The following TET1 variants were observed in gnomAD, a reference collection of about 807,000 sequenced individuals.
TET1 encodes methylcytosine dioxygenase TET1.
Under a neutral mutation model 148.7 loss-of-function variants are expected in TET1, and 13 were observed. The ratio of observed to expected loss-of-function variants is 0.09; its 90% CI spans 0.06 to 0.14. The LOEUF is 0.14. Ranked by LOEUF, TET1 falls within the 10% of genes least tolerant of loss-of-function variation. The pLI is 1.00. For missense variants in TET1, 2,182 were observed against 2,553.8 expected (o/e 0.85, Z 3.14); for synonymous variants, 907 against 937.2 (o/e 0.97, Z 0.59).
At chr10:68,641,421 C>T (rs2054752041) in intron 3 of TET1, among the ~76,000 whole-genome samples, 1 of 152,076 alleles carries the variant, frequency 6.6e-6, no homozygotes, top group African/African-American at 2.4e-5. Context: ...GGCCAGTTCA[C>T]ATCTCCTTAG....
At chr10:68,596,515 C>T (rs946664832) in intron 2 of TET1, among the ~76,000 whole-genome samples, 2 of 151,974 alleles carry the variant, frequency 1.3e-5, no homozygotes, top group African/African-American at 2.4e-5. Context: ...CCTTGAAATC[C>T]TGGGCTTAAG....
At position 68,691,136 on chromosome 10, in the gene TET1, C is replaced by A. The variant is rs1401748142; in HGVS notation, c.5733C>A (p.Pro1911=). The A allele has an allele frequency of 1.9e-6, 3 of 1,614,220 alleles. No individual in the cohort carries two copies. Among genetic ancestry groups the A allele is most frequent in the Non-Finnish European group, 2.5e-6 (3 of 1,180,058 alleles). ...ISQLGEVAPL[P]TLSAPVMEPL... The stretch of plus-strand genomic sequence containing the variant: ...AGCTTGGCGAAGTGGCTCCTCTCCC[C>A]ACCCTGTCTGCTCCTGTGATGGAGC... The change falls in exon 12 of 12, where the codon CCC becomes CCA. Residue 1911 remains proline (P), a synonymous_variant. Coordinates refer to ENST00000373644, the MANE Select transcript of TET1 (RefSeq NM_030625.3). This position sits in a 1 kb window ranked among gnomAD's most constrained non-coding sequence, Gnocchi z 4.4.
At chr10:68,578,103 A>G (rs1314845124) in intron 2 of TET1, among the ~76,000 whole-genome samples, 2 of 152,136 alleles carry the variant, frequency 1.3e-5, no homozygotes, top group East Asian at 3.8e-4. Flanking sequence ...GTTGTAAAAA[A>G]TCTTACTGAG....
chr10:68,598,061 A>C (rs891228239), intron 2 of TET1, among the ~76,000 whole-genome samples: 10 of 152,180 alleles, frequency 6.6e-5, no homozygotes, highest in African/African-American at 2.2e-4. Flanking sequence ...GCAGTTGTGA[A>C]TGTACTTAAT....
chr10:68,569,020 C>A (rs562377163), intron 1 of TET1, among the ~76,000 whole-genome samples: 1 of 152,046 alleles, frequency 6.6e-6, no homozygotes, highest in East Asian at 1.9e-4. Context: ...TGTATTGGAC[C>A]TGTGAGTCTT....
intron 1 of TET1, among the ~76,000 whole-genome samples, chr10:68,568,544 G>T (rs2795907): frequency 0.05 from 7,637 of 152,256 alleles, 222 homozygotes; most frequent in South Asian, 0.081. Context: ...CCAGGCCGAT[G>T]CTGTGATCTT....
Position 68,691,805 on chromosome 10 carries a change from T to C in TET1, c.6402T>C (p.His2134=). The C allele has an allele frequency of 1.9e-6, 3 of 1,610,876 alleles. No homozygotes were observed. Among genetic ancestry groups the C allele is most frequent in the Non-Finnish European group, 2.5e-6 (3 of 1,178,404 alleles). Residue 2134 remains histidine, a synonymous_variant, in exon 12 of 12, where the codon CAT becomes CAC. Coordinates refer to ENST00000373644, the MANE Select transcript of TET1 (RefSeq NM_030625.3). The surrounding 1 kb of genome is among the most constrained non-coding windows in gnomAD (Gnocchi z 4.4). ...CACACGTTGCGGGGCCCTATAACCA[T>C]TGGGTCTGAAGGCTTTTCTCCCCCT... ...ALTHVAGPYN[H]WV
chr10:68,684,841 C>T (rs771866580), intron 10 of TET1, among the ~76,000 whole-genome samples: 5 of 152,050 alleles, frequency 3.3e-5, no homozygotes, highest in Non-Finnish European at 7.4e-5. Flanking sequence ...CTCCTTATGT[C>T]CTTCTTAGTC....
intron 2 of TET1, among the ~76,000 whole-genome samples, chr10:68,596,845 C>T (rs887797944): frequency 2.6e-5 from 4 of 152,040 alleles, no homozygotes; most frequent in East Asian, 1.9e-4. Flanking sequence ...CACAGGCCTT[C>T]GATGTTTGCT....
chr10:68,567,771 A>G (rs926623473), intron 1 of TET1, among the ~76,000 whole-genome samples: 1 of 151,826 alleles, frequency 6.6e-6, no homozygotes, highest in African/African-American at 2.4e-5. Flanking sequence ...AAAAAAAAAA[A>G]TCATAGAATC....
intron 7 of TET1, among the ~76,000 whole-genome samples, chr10:68,668,531 A>G (rs1340793868): frequency 1.3e-5 from 2 of 152,246 alleles, no homozygotes; most frequent in Non-Finnish European, 2.9e-5. Flanking sequence ...CATACATTTA[A>G]TGAATCACTG....
chr10:68,624,602 CTCTTTCTTTCTTTCTT>C (rs771481993), intron 3 of TET1, among the ~76,000 whole-genome samples: 25 of 113,950 alleles, frequency 2.2e-4, no homozygotes, highest in South Asian at 3.4e-4. Context: ...TTTTCTTTTT[CTCTTTCTTTCTTTCTT>C]TCTTTCTTTC....
intron 6 of TET1, among the ~76,000 whole-genome samples, chr10:68,655,329 T>G (rs1200783754): frequency 2.0e-5 from 3 of 152,250 alleles, no homozygotes; most frequent in Non-Finnish European, 4.4e-5. Flanking sequence ...TGTTTTGTTC[T>G]TTTGTGTCTG....
intron 1 of TET1, among the ~76,000 whole-genome samples, chr10:68,564,434 C>T (rs920599673): frequency 6.6e-6 from 1 of 151,798 alleles, no homozygotes; most frequent in African/African-American, 2.4e-5. Context: ...TAGGTGTGAG[C>T]CACCACGCCT....
At chr10:68,624,832 C>T (rs756011432) in intron 3 of TET1, among the ~76,000 whole-genome samples, 6 of 145,048 alleles carry the variant, frequency 4.1e-5, no homozygotes, top group Non-Finnish European at 6.1e-5. Flanking sequence ...TCCGGGTTCA[C>T]GCCATTCTCC....
intron 3 of TET1, among the ~76,000 whole-genome samples, chr10:68,638,765 T>TTG (rs59106736): frequency 0.14 from 19,664 of 140,602 alleles, 1,292 homozygotes; most frequent in South Asian, 0.18. Flanking sequence ...TGTATGGAGT[T>TTG]TGTGTGTGTG....
chr10:68,645,165 T>A lies in TET1; in HGVS notation c.2436T>A (p.Ser812Arg). 1 of 1,614,104 alleles carries A rather than the reference T, an allele frequency of 6.2e-7. No homozygotes were observed. The highest frequency in any genetic ancestry group is 8.5e-7 in the Non-Finnish European group (1 of 1,179,978). Residue 812 changes from serine (S) to arginine (R), a missense_variant, in exon 4 of 12, where the codon AGT (serine) becomes AGA (arginine). Transcript: ENST00000373644. Reference protein sequence around the residue: ...NAMSSVATDMSCDHLKGRSNV... With the variant: ...NAMSSVATDMRCDHLKGRSNV... ...TGAGCTCTGTTGCTACTGATATGAG[T>A]TGTGATCATCTCAAGGGGAGAAGTA...
At position 68,691,930 on chromosome 10, in the gene TET1, G is replaced by C. The variant is rs2055600523; in HGVS notation, c.*116G>C. On this transcript the variant is annotated 3_prime_UTR_variant, in exon 12 of 12. Coordinates refer to ENST00000373644, the MANE Select transcript of TET1 (RefSeq NM_030625.3). The surrounding 1 kb of genome is among the most constrained non-coding windows in gnomAD (Gnocchi z 4.4). Reference sequence around the variant, plus strand: ...TCATCTCACCCATTTCAAGTCTGAGGTAAAAAAATAATAATGATAACAAAA... The same window carrying C: ...TCATCTCACCCATTTCAAGTCTGAGCTAAAAAAATAATAATGATAACAAAA... The C allele has an allele frequency of 5.6e-6, 7 of 1,256,616 alleles. No individual in the cohort carries two copies. Among genetic ancestry groups the C allele is most frequent in the Non-Finnish European group, 7.6e-6 (7 of 921,984 alleles). 77.8% of individuals were successfully genotyped at this position (1,256,616 alleles called of 1,614,324 possible).
At position 68,585,932 on chromosome 10, in the gene TET1, C is replaced by G. The variant is rs2132826274; in HGVS notation, c.1914+11680C>G. 2.0e-5 allele frequency among the ~76,000 whole-genome samples: 3 copies of G among 151,070 alleles called. No individual in the cohort carries two copies. In the Admixed American group the frequency reaches 2.0e-4, roughly 10 times the overall value. ...CTGAGGCAGGAGAATTGCTTGAACC[C>G]TGGAGACGGAGGTTGCAGTCAGCTG... is the stretch of plus-strand genomic sequence containing the variant. On this transcript the variant is annotated intron_variant, in intron 2 of 11. Coordinates refer to ENST00000373644, the MANE Select transcript of TET1 (RefSeq NM_030625.3).
Sources: allele counts gnomAD v4.1 joint callset (sites outside exome capture counted in the v4.1 genomes callset), GRCh38; gene constraint gnomAD v4.1.1; non-coding constraint Gnocchi (gnomAD v3.1); transcripts MANE v1.5; gene names NCBI Gene and HGNC (gene_info 2026-07-23, HGNC 2026-07-21).